Variants in TAPBPL observed in about 807,000 individuals in gnomAD.
TAPBPL encodes the protein tapasin-related protein.
TAPBPL carries 32 observed loss-of-function variants against 44.8 expected under a neutral mutation model. The observed-to-expected ratio is 0.71, with a 90% CI of 0.54 to 0.96. TAPBPL has a LOEUF of 0.96. TAPBPL is among the 40% of genes least tolerant of loss of function. The pLI, the probability that TAPBPL is intolerant of heterozygous loss-of-function variation, is 0.00. For missense variants in TAPBPL, 520 were observed against 586.6 expected (o/e 0.89, Z 1.17); for synonymous variants, 230 against 240.7 (o/e 0.96, Z 0.41).
At chr12:6,463,138 A>G, downstream of TAPBPL, 1 of 1,480,066 alleles carries the variant, frequency 6.8e-7, no homozygotes, top group Middle Eastern at 2.4e-4. The surrounding 1 kb of genome is among the most constrained non-coding windows in gnomAD (Gnocchi z 4.0). Flanking sequence ...CTCAGGTTCC[A>G]CTGTCTATAC....
chr12:6,456,460 GT>G (rs1949705319), intron 3 of TAPBPL, among the ~76,000 whole-genome samples: 1 of 151,042 alleles, frequency 6.6e-6, no homozygotes, highest in African/African-American at 2.4e-5. Context: ...CGCCTCCTGG[GT>G]TCAAGTGATT....
In TAPBPL at chr12:6,462,130, G is replaced by T; in HGVS notation, c.1388G>T (p.Arg463Leu). The T allele has an allele frequency of 1.2e-6, 2 of 1,607,546 alleles. No homozygotes were observed. The highest frequency in any genetic ancestry group is 8.5e-7 in the Non-Finnish European group (1 of 1,176,390). The change falls in exon 7 of 7, where the codon CGT becomes CTT. Residue 463 changes from arginine (R) to leucine (L), a missense_variant. Transcript: ENST00000266556. ...SSHLHEDRTA[R>L]VSQPS is the part of the protein sequence containing the mutation. ...CATCTCCATGAAGACCGCACAGCGC[G>T]TGTAAGCCAGCCCAGCTGACCTAAA...
At chr12:6,459,748 A>G (rs1949795534) in intron 5 of TAPBPL, among the ~76,000 whole-genome samples, 1 of 144,422 alleles carries the variant, frequency 6.9e-6, no homozygotes, top group African/African-American at 2.8e-5. Flanking sequence ...TTATTTATTT[A>G]TTTATTTATT....
At chr12:6,466,892 CAT>C (rs887078677), downstream of TAPBPL, 1 of 154,894 alleles carries the variant, frequency 6.5e-6, no homozygotes, top group Non-Finnish European at 1.4e-5. Flanking sequence ...AGAATTCCCA[CAT>C]GTTGTGGGAG....
Position 6,453,076 on chromosome 12 carries a change from C to A in TAPBPL, c.74C>A (p.Pro25Gln). ...CAGCCTTTGTCTGCAGAGCCCCACCCAGCAGAGGGGCAGTGGCGGGCAGTG... is the reference window on the plus strand; with the variant it reads ...CAGCCTTTGTCTGCAGAGCCCCACCAAGCAGAGGGGCAGTGGCGGGCAGTG... The part of the protein sequence containing the change: ...LSGAAETKPH[P>Q]AEGQWRAVDV... The change falls in exon 2 of 7, where the codon CCA (proline) becomes CAA (glutamine). Residue 25 changes from proline (P) to glutamine (Q), a missense_variant. Physicochemically the swap from Pro to Gln is moderately conservative, Grantham distance 76. Transcript: ENST00000266556. The surrounding 1 kb of genome is among the most constrained non-coding windows in gnomAD (Gnocchi z 4.8). 1.3e-6 allele frequency: 2 copies of A among 1,577,428 alleles called. No homozygotes were observed. The highest frequency in any genetic ancestry group is 1.3e-5 in the African/African-American group (1 of 74,788).
chr12:6,464,303 T>C (rs1279300975), downstream of TAPBPL: 1 of 1,544,668 alleles, frequency 6.5e-7, no homozygotes, highest in Non-Finnish European at 8.7e-7. Context: ...TTTCTAGTGT[T>C]GAGGGACAGA....
Position 6,452,253 on chromosome 12 carries a change from GCA to G in TAPBPL, c.10_11del (p.Gln4GlyfsTer51). 1 of 1,572,414 alleles carries G rather than the reference GCA, an allele frequency of 6.4e-7. No homozygotes were observed. The highest frequency in any genetic ancestry group is 8.6e-7 in the Non-Finnish European group (1 of 1,159,232). ...GGGAACTCGAGAGCAGCCTCCATGG[GCA>G]CACAGGAGGGCTGGTGCCTGCTGCT... On this transcript the variant is annotated frameshift_variant, in exon 1 of 7. Transcript: ENST00000266556. LOFTEE classifies it high-confidence loss of function.
chr12:6,453,632 A>C lies in TAPBPL; in HGVS notation c.481A>C (p.Thr161Pro). The C allele has an allele frequency of 6.2e-7, 1 of 1,613,936 alleles. No homozygotes were observed. The highest frequency in any genetic ancestry group is 2.2e-5 in the East Asian group (1 of 44,866). Residue 161 changes from threonine to proline, a missense_variant, in exon 3 of 7, where the codon ACT becomes CCT. Physicochemically the swap from Thr to Pro is conservative, Grantham distance 38. Transcript: ENST00000266556. This position sits in a 1 kb window ranked among gnomAD's most constrained non-coding sequence, Gnocchi z 4.8. ...ACCTAGCATCTCCTTGGTGATGAAG[A>C]CTCCCAGGGTCACCAAGAATGAGGC... ...GGPSISLVMKTPRVTKNEALW... is the reference protein window; with the variant it reads ...GGPSISLVMKPPRVTKNEALW...
At chr12:6,463,409 T>G (rs778873075), downstream of TAPBPL, 18 of 1,057,548 alleles carry the variant, frequency 1.7e-5, no homozygotes, top group Non-Finnish European at 1.8e-5. The surrounding 1 kb of genome is among the most constrained non-coding windows in gnomAD (Gnocchi z 4.0). Flanking sequence ...GCCTCATCCC[T>G]GTCTTTGGCA....
Position 6,457,393 on chromosome 12 carries a change from T to C in TAPBPL, c.566-13T>C. On this transcript the variant is annotated splice_polypyrimidine_tract_variant and intron_variant, in intron 3 of 6. Transcript: ENST00000266556. The stretch of plus-strand genomic sequence containing the variant: ...AAGTAGCCCACAAATCACCCCTCTT[T>C]TCCTCTTCACAGTGGAGTTCCAGGT... 6.2e-7 allele frequency: 1 copy of C among 1,606,494 alleles called. No homozygotes were observed. The highest frequency in any genetic ancestry group is 8.5e-7 in the Non-Finnish European group (1 of 1,174,552).
At chr12:6,464,702 A>G, downstream of TAPBPL, 1 of 1,503,844 alleles carries the variant, frequency 6.6e-7, no homozygotes, top group Non-Finnish European at 8.8e-7. Context: ...TGCAGGGGGA[A>G]GGCTTGTCCA....
chr12:6,459,632 C>T (rs1319202360), intron 5 of TAPBPL, among the ~76,000 whole-genome samples: 4 of 152,146 alleles, frequency 2.6e-5, no homozygotes, highest in East Asian at 1.9e-4. Context: ...AACAGGCAAC[C>T]GGATTCCCCT....
At chr12:6,465,414 GTATATA>G (rs746403911), downstream of TAPBPL, 6 of 39,306 alleles carry the variant, frequency 1.5e-4, 1 homozygote, top group Admixed American at 2.7e-4. Context: ...GTATATATAT[GTATATA>G]TATATATAAA....
At chr12:6,456,328 G>A (rs1949700267) in intron 3 of TAPBPL, among the ~76,000 whole-genome samples, 1 of 148,934 alleles carries the variant, frequency 6.7e-6, no homozygotes. Context: ...CTGGATTTAG[G>A]TTAAGCATGT....
intron 5 of TAPBPL, 46 bp downstream of exon 5, chr12:6,458,993 T>A (rs1339101502): frequency 1.3e-6 from 2 of 1,582,650 alleles, no homozygotes; most frequent in Admixed American, 3.4e-5. Flanking sequence ...CTAGGGCTCA[T>A]GGCTCTCCTG....
chr12:6,464,455 A>C, downstream of TAPBPL: 2 of 1,564,332 alleles, frequency 1.3e-6, no homozygotes, highest in Non-Finnish European at 1.7e-6. Flanking sequence ...ACAACAGGGA[A>C]GGGGTGGTAC....
the TAPBPL span, among the ~76,000 whole-genome samples, chr12:6,471,600 G>A: frequency 1.3e-4 from 20 of 152,258 alleles, no homozygotes; most frequent in Non-Finnish European, 2.4e-4. This position sits in a 1 kb window ranked among gnomAD's most constrained non-coding sequence, Gnocchi z 4.0. Flanking sequence ...GGCCGAGTCA[G>A]GCAGATTACC....
chr12:6,468,314 A>G, downstream of TAPBPL, among the ~76,000 whole-genome samples: 1 of 152,200 alleles, frequency 6.6e-6, no homozygotes. Flanking sequence ...ATGCCCAGTT[A>G]TTGGTTATGC....
chr12:6,466,428 G>A, downstream of TAPBPL: 2 of 1,498,458 alleles, frequency 1.3e-6, no homozygotes, highest in Non-Finnish European at 1.8e-6. Flanking sequence ...CACACCTGTA[G>A]TCCCAGCTAC....
Sources: allele counts gnomAD v4.1 joint callset (sites outside exome capture counted in the v4.1 genomes callset), GRCh38; gene constraint gnomAD v4.1.1; non-coding constraint Gnocchi (gnomAD v3.1); transcripts MANE v1.5; gene names NCBI Gene and HGNC (gene_info 2026-07-23, HGNC 2026-07-21).